Variants in FBXO16 observed in about 807,000 individuals in gnomAD.
The protein encoded by FBXO16 is F-box only protein 16.
Under a neutral mutation model 41.0 loss-of-function variants are expected in FBXO16, and 31 were observed. The observed-to-expected ratio is 0.76, with a 90% CI of 0.57 to 1.02. The LOEUF (loss-of-function observed/expected upper bound fraction) is 1.02. FBXO16 is among the 50% of genes least tolerant of loss of function. The pLI is 0.00. For synonymous variants in FBXO16, 133 were observed against 117.8 expected, an observed-to-expected ratio of 1.13 and a Z score of -0.84; for missense variants, 361 against 346.2, an observed-to-expected ratio of 1.04 and a Z score of -0.34.
chr8:28,440,172 G>T (rs1802747717), intron 7 of FBXO16, among the ~76,000 whole-genome samples: 1 of 151,916 alleles, frequency 6.6e-6, no homozygotes, highest in East Asian at 1.9e-4. Flanking sequence ...GCACAATCAT[G>T]GCTCACTGCC....
At chr8:28,450,016 G>T (rs953180881) in intron 6 of FBXO16, among the ~76,000 whole-genome samples, 1 of 148,778 alleles carries the variant, frequency 6.7e-6, no homozygotes, top group Non-Finnish European at 1.5e-5. Context: ...TTGCATAAAC[G>T]TCCCAAAAGA....
intron 3 of FBXO16, chr8:28,465,312 G>A (rs1229266105): frequency 7.2e-6 from 3 of 415,554 alleles, no homozygotes; most frequent in Non-Finnish European, 4.9e-6. Flanking sequence ...GGCTTCAGGG[G>A]CAGAAATGTG....
chr8:28,428,772 A>T (rs1802565134), intron 8 of FBXO16, 36 bp from the exon 9 acceptor site: 1 of 1,479,098 alleles, frequency 6.8e-7, no homozygotes, highest in Non-Finnish European at 8.9e-7. Context: ...AGCGAGGGTT[A>T]TTGAAATACC....
intron 5 of FBXO16, among the ~76,000 whole-genome samples, chr8:28,454,535 T>G (rs1330077538): frequency 6.6e-6 from 1 of 151,432 alleles, no homozygotes; most frequent in African/African-American, 2.4e-5. Flanking sequence ...GAGACCATCC[T>G]GGCTAACATG....
intron 6 of FBXO16, among the ~76,000 whole-genome samples, chr8:28,448,092 C>G (rs1293577422): frequency 6.6e-6 from 1 of 152,104 alleles, no homozygotes; most frequent in African/African-American, 2.4e-5. Flanking sequence ...GTAACCCCAG[C>G]TTTTTGGAAA....
intron 2 of FBXO16, 149 bp from the exon 3 acceptor site, chr8:28,473,956 T>C: frequency 1.6e-6 from 1 of 610,006 alleles, no homozygotes. Context: ...AGGTTATATA[T>C]TTTTACCCTG....
rs370261817 is a variant in FBXO16, at chr8:28,452,344, T to C, written c.640A>G (p.Lys214Glu). Residue 214 changes from lysine (K) to glutamate (E), a missense_variant, in exon 6 of 9, where the codon AAA becomes GAA. Transcript: ENST00000380254. ...GAAGATCGCCAGGGTGGAAGTGCTT[T>C]CTCCCCTGAGTTATTCTTCTTTCTT... ...SLRKKNNSGE[K>E]ALPPWRSSDK... 1.2e-6 allele frequency: 2 copies of C among 1,614,058 alleles called. No individual in the cohort carries two copies. Among genetic ancestry groups the C allele is most frequent in the Non-Finnish European group, 1.7e-6 (2 of 1,180,040 alleles).
chr8:28,473,831 G>A (rs371649711), intron 2 of FBXO16, 24 bp from the exon 3 acceptor site: 19 of 1,567,380 alleles, frequency 1.2e-5, no homozygotes, highest in Non-Finnish European at 1.7e-5. Flanking sequence ...AAAAGAATAT[G>A]GTAATTTCAT....
At chr8:28,486,476 A>C (rs1180870308) in intron 1 of FBXO16, among the ~76,000 whole-genome samples, 3 of 152,032 alleles carry the variant, frequency 2.0e-5, no homozygotes, top group Non-Finnish European at 2.9e-5. Flanking sequence ...CACCAGCCTA[A>C]GCCTCCCAAA....
chr8:28,456,027 T>C (rs1803032828), intron 5 of FBXO16: 2 of 152,160 alleles, frequency 1.3e-5, no homozygotes, highest in African/African-American at 4.8e-5. Flanking sequence ...AAAATTTAAT[T>C]TACACATAAT....
At chr8:28,465,872 A>G (rs55720934) in intron 3 of FBXO16, among the ~76,000 whole-genome samples, 1 of 151,864 alleles carries the variant, frequency 6.6e-6, no homozygotes, top group East Asian at 1.9e-4. Context: ...TTTAAAGTTC[A>G]GTTTGATTAC....
intron 3 of FBXO16, among the ~76,000 whole-genome samples, chr8:28,468,849 A>G (rs927824091): frequency 2.1e-4 from 15 of 72,722 alleles, no homozygotes; most frequent in African/African-American, 5.5e-4. Context: ...CTCCATCTTG[A>G]AAAAAAAAAA....
chr8:28,452,913 TA>T (rs921817956), intron 5 of FBXO16, among the ~76,000 whole-genome samples: 29 of 130,568 alleles, frequency 2.2e-4, no homozygotes, highest in South Asian at 1.3e-3. Context: ...GATAAAAAAA[TA>T]AAAAAAAAGA....
At position 28,473,811 on chromosome 8, in the gene FBXO16, C is replaced by G. The variant is rs1396172959; in HGVS notation, c.100-4G>C. On this transcript the variant is annotated splice_region_variant and splice_polypyrimidine_tract_variant and intron_variant, in intron 2 of 8. Transcript: ENST00000380254. ...GGGCTCTTCTTTCTTCAAATACCTACAGTAAGTAAAAAAGAATATGGTAAT... is the reference window on the plus strand; with the variant it reads ...GGGCTCTTCTTTCTTCAAATACCTAGAGTAAGTAAAAAAGAATATGGTAAT... 6 of 1,595,334 alleles carry G rather than the reference C, an allele frequency of 3.8e-6. No individual in the cohort carries two copies. In the African/African-American group the frequency reaches 8.1e-5, roughly 22 times the overall value.
At chr8:28,461,908 G>C (rs377708045) in intron 4 of FBXO16, among the ~76,000 whole-genome samples, 6 of 151,826 alleles carry the variant, frequency 4.0e-5, no homozygotes, top group African/African-American at 1.4e-4. Flanking sequence ...TTTTTCCAGA[G>C]AGTTGCTCAA....
At chr8:28,444,267 T>C (rs916110425) in intron 7 of FBXO16, among the ~76,000 whole-genome samples, 4 of 151,850 alleles carry the variant, frequency 2.6e-5, no homozygotes, top group Non-Finnish European at 5.9e-5. Flanking sequence ...TCAGTATCCA[T>C]TTCCTCTTCT....
At chr8:28,445,246 A>G (rs1802845836) in intron 7 of FBXO16, among the ~76,000 whole-genome samples, 1 of 152,188 alleles carries the variant, frequency 6.6e-6, no homozygotes, top group South Asian at 2.1e-4. Context: ...CTCACTGCTT[A>G]ATGTACCCTG....
chr8:28,430,855 C>T lies in FBXO16; in HGVS notation c.844-1452G>A, dbSNP rs1802595273. Among the ~76,000 whole-genome samples, 3 of 152,076 alleles carry T rather than the reference C, an allele frequency of 2.0e-5. No homozygotes were observed. In the South Asian group the frequency reaches 6.2e-4, roughly 32 times the overall value. On this transcript the variant is annotated intron_variant, in intron 7 of 8. Coordinates refer to ENST00000380254, the MANE Select transcript of FBXO16 (RefSeq NM_172366.4). The stretch of plus-strand genomic sequence containing the variant: ...GGCATGGTGGTGGGTGCCTGTAATC[C>T]CAGCTACTCAGGAGACTGAGGCAGG...
At chr8:28,463,484 G>A (rs1803179029) in intron 4 of FBXO16, 128 bp downstream of exon 4, 8 of 856,952 alleles carry the variant, frequency 9.3e-6, no homozygotes, top group Non-Finnish European at 1.4e-5. Flanking sequence ...ACATTTGTGT[G>A]TGTTTGTGTG....
Sources: allele counts gnomAD v4.1 joint callset (sites outside exome capture counted in the v4.1 genomes callset), GRCh38; gene constraint gnomAD v4.1.1; transcripts MANE v1.5; gene names NCBI Gene and HGNC (gene_info 2026-07-23, HGNC 2026-07-21).